HLF: variants seen among roughly 807,000 people sequenced by gnomAD.
The protein encoded by HLF is hepatic leukemia factor.
Under a neutral mutation model 22.6 loss-of-function variants are expected in HLF, and 3 were observed. The observed-to-expected ratio is 0.13, with a 90% CI of 0.06 to 0.34. The LOEUF (loss-of-function observed/expected upper bound fraction) is 0.34, where lower values mean the gene tolerates loss of function less well. Ranked by LOEUF, HLF falls within the 10% of genes least tolerant of loss-of-function variation. The pLI is 1.00. For synonymous variants in HLF, 151 were observed against 151.8 expected (o/e 0.99, Z 0.04); for missense variants, 299 against 389.2 (o/e 0.77, Z 1.95).
At chr17:55,316,776 C>T (rs1905082773) in intron 3 of HLF, among the ~76,000 whole-genome samples, 2 of 151,892 alleles carry the variant, frequency 1.3e-5, no homozygotes, top group African/African-American at 2.4e-5. Flanking sequence ...GGCTGTCACC[C>T]TGAGAATCAA....
At position 55,265,227 on chromosome 17, in the gene HLF, G is replaced by C. The variant is rs1020567784; in HGVS notation, c.-258G>C. 1.1e-5 allele frequency: 4 copies of C among 360,978 alleles called. No individual in the cohort carries two copies. The highest frequency in any genetic ancestry group is 8.4e-5 in the African/African-American group (4 of 47,376). 22.4% of individuals were successfully genotyped at this position (360,978 alleles called of 1,614,324 possible). On this transcript the variant is annotated 5_prime_UTR_variant, in exon 1 of 4. Transcript: ENST00000226067. ...CGAGGCAGGTGAGAGCATCCTGCAC[G>C]TCGCCGGGGAGCCCGCGGGCACTTG... is the stretch of plus-strand genomic sequence containing the variant.
chr17:55,267,309 G>T (rs1052135831), intron 1 of HLF, among the ~76,000 whole-genome samples: 2 of 152,238 alleles, frequency 1.3e-5, no homozygotes, highest in Admixed American at 6.5e-5. Flanking sequence ...CACTGGCTTT[G>T]TAAGTCTGAA....
At chr17:55,293,086 G>A (rs2081079736) in intron 2 of HLF, among the ~76,000 whole-genome samples, 1 of 152,146 alleles carries the variant, frequency 6.6e-6, no homozygotes, top group South Asian at 2.1e-4. Context: ...CTACAGTAGG[G>A]TGACTATAGT....
intron 2 of HLF, among the ~76,000 whole-genome samples, chr17:55,285,261 C>T (rs1417379756): frequency 4.6e-5 from 7 of 152,294 alleles, no homozygotes; most frequent in African/African-American, 7.2e-5. Context: ...AGTTTTGAGA[C>T]GTGGTACCTT....
intron 2 of HLF, among the ~76,000 whole-genome samples, chr17:55,276,873 C>T (rs2080908745): frequency 6.6e-6 from 1 of 152,232 alleles, no homozygotes; most frequent in Non-Finnish European, 1.5e-5. Flanking sequence ...CAATAGTTTC[C>T]TCTGGCAAGC....
At chr17:55,299,902 A>G (rs985558752) in intron 2 of HLF, among the ~76,000 whole-genome samples, 2 of 151,974 alleles carry the variant, frequency 1.3e-5, no homozygotes, top group Non-Finnish European at 2.9e-5. Context: ...GCCACCATCT[A>G]GCTGACTGCA....
At chr17:55,285,722 G>C (rs760048574) in intron 2 of HLF, among the ~76,000 whole-genome samples, 33 of 152,232 alleles carry the variant, frequency 2.2e-4, no homozygotes, top group Non-Finnish European at 3.8e-4. Flanking sequence ...ACAGCAGAGA[G>C]CTGGGCACTG....
chr17:55,307,982 G>A (rs1011727637), intron 2 of HLF, among the ~76,000 whole-genome samples: 1 of 152,164 alleles, frequency 6.6e-6, no homozygotes, highest in South Asian at 2.1e-4. Flanking sequence ...GAATGCTTTA[G>A]GTAGAGAGGA....
intron 2 of HLF, among the ~76,000 whole-genome samples, chr17:55,285,911 G>A (rs1346392074): frequency 6.6e-6 from 1 of 152,200 alleles, no homozygotes; most frequent in Admixed American, 6.5e-5. Flanking sequence ...TCTTCGCGGT[G>A]CCCAGGTACT....
intron 2 of HLF, among the ~76,000 whole-genome samples, chr17:55,279,319 T>C (rs1225540375): frequency 1.3e-5 from 2 of 152,226 alleles, no homozygotes; most frequent in Non-Finnish European, 1.5e-5. Context: ...GGTCTACTTA[T>C]TTTATTTCTC....
chr17:55,293,477 A>T lies in HLF; in HGVS notation c.452-21750A>T, dbSNP rs2081084902. Among the ~76,000 whole-genome samples the T allele has an allele frequency of 2.6e-5, 4 of 152,262 alleles. No individual in the cohort carries two copies. In the South Asian group the frequency reaches 8.3e-4, roughly 32 times the overall value. The stretch of plus-strand genomic sequence containing the variant: ...TGACTACAGAGCTCCTATCAAACGG[A>T]TGGGTAGAAAAGGAATGTTGTCATA... On this transcript the variant is annotated intron_variant, in intron 2 of 3. Transcript: ENST00000226067.
At chr17:55,317,887 T>G (rs2145375322) in intron 3 of HLF, among the ~76,000 whole-genome samples, 1 of 152,352 alleles carries the variant, frequency 6.6e-6, no homozygotes, top group African/African-American at 2.4e-5. Flanking sequence ...GGTACCTAGC[T>G]GAAAATCCAT....
At chr17:55,287,420 A>G (rs2081016001) in intron 2 of HLF, among the ~76,000 whole-genome samples, 1 of 152,150 alleles carries the variant, frequency 6.6e-6, no homozygotes, top group African/African-American at 2.4e-5. Context: ...TATACTAGCC[A>G]TGGTCACTGT....
At chr17:55,272,218 G>C (rs191354194) in intron 2 of HLF, 1 of 152,454 alleles carries the variant, frequency 6.6e-6, no homozygotes, top group East Asian at 1.9e-4. Context: ...TGCTCTCCTG[G>C]AGGGACGAAT....
At chr17:55,302,369 T>C (rs1478194575) in intron 2 of HLF, among the ~76,000 whole-genome samples, 2 of 152,218 alleles carry the variant, frequency 1.3e-5, no homozygotes, top group Non-Finnish European at 2.9e-5. Flanking sequence ...TAGAGACTCA[T>C]GCGGGAAAGA....
intron 2 of HLF, among the ~76,000 whole-genome samples, chr17:55,293,753 C>T (rs924032288): frequency 1.2e-4 from 18 of 152,226 alleles, no homozygotes; most frequent in African/African-American, 3.9e-4. Flanking sequence ...TCATGGAGCC[C>T]CAACTCAATG....
In HLF at chr17:55,320,968, C is replaced by A; in HGVS notation, c.*89C>A. ...ACACGCAAACCAACCTTTCTGACAT[C>A]AGCACTTTACCAGAGGCATAAACAC... On this transcript the variant is annotated 3_prime_UTR_variant, in exon 4 of 4. Coordinates refer to ENST00000226067, the MANE Select transcript of HLF (RefSeq NM_002126.5). The surrounding 1 kb of genome is among the most constrained non-coding windows in gnomAD (Gnocchi z 4.2). The A allele has an allele frequency of 2.0e-6, 2 of 995,990 alleles. No individual in the cohort carries two copies. The highest frequency in any genetic ancestry group is 3.0e-6 in the Non-Finnish European group (2 of 660,636). The allele number at this position is 995,990 out of a possible 1,614,324, so 61.7% of individuals were successfully genotyped here. A position where few individuals can be genotyped will look rare whatever the true frequency, so the allele number is the denominator to read the frequency against.
chr17:55,318,645 C>T (rs1598411173), intron 3 of HLF, among the ~76,000 whole-genome samples: 1 of 152,146 alleles, frequency 6.6e-6, no homozygotes, highest in South Asian at 2.1e-4. Context: ...ACCCCTTCGC[C>T]TCCTGGGCTC....
intron 2 of HLF, among the ~76,000 whole-genome samples, chr17:55,312,504 G>A (rs1205157385): frequency 6.6e-6 from 1 of 152,208 alleles, no homozygotes; most frequent in Non-Finnish European, 1.5e-5. Flanking sequence ...GGATCCTCTT[G>A]ACCCTTTAAA....
Sources: gnomAD v4.1 joint callset for allele counts (sites outside exome capture counted in the v4.1 genomes callset) on GRCh38, gnomAD v4.1.1 for gene constraint, Gnocchi (gnomAD v3.1) non-coding constraint, MANE v1.5 for transcripts, NCBI Gene and HGNC (gene_info 2026-07-23, HGNC 2026-07-21) for gene names.